The following ADGRE2 variants were observed in gnomAD, a reference collection of about 807,000 sequenced individuals.
ADGRE2 encodes the protein CD97 antigen.
A neutral mutation model predicts 100.8 loss-of-function variants in ADGRE2; 83 were observed. The ratio of observed to expected loss-of-function variants is 0.82; its 90% CI spans 0.69 to 0.99. The LOEUF (loss-of-function observed/expected upper bound fraction) is 0.99, where lower values mean the gene tolerates loss of function less well. ADGRE2 is among the 50% of genes least tolerant of loss of function. ADGRE2 has a pLI of 0.00. For missense variants in ADGRE2, 814 were observed against 1,035.7 expected (o/e 0.79, Z 2.94); for synonymous variants, 355 against 413.0 (o/e 0.86, Z 1.70).
chr19:14,755,607 C>T (rs1264427267), intron 13 of ADGRE2, 47 bp downstream of exon 13: 1 of 1,539,602 alleles, frequency 6.5e-7, no homozygotes, highest in Non-Finnish European at 9.0e-7. Flanking sequence ...CAAGGCTATG[C>T]CCGGACTCAG....
intron 11 of ADGRE2, among the ~76,000 whole-genome samples, chr19:14,757,762 CA>C (rs2043551797): frequency 6.6e-6 from 1 of 152,122 alleles, no homozygotes. Context: ...TAGGAGGAAA[CA>C]GGGGTAAATC....
intron 5 of ADGRE2, among the ~76,000 whole-genome samples, chr19:14,771,165 A>C (rs2044193867): frequency 6.6e-6 from 1 of 152,006 alleles, no homozygotes; most frequent in Non-Finnish European, 1.5e-5. Flanking sequence ...GGGAGGCTCT[A>C]CTGACTGCAG....
chr19:14,743,657 C>G lies in ADGRE2; in HGVS notation c.2311G>C (p.Gly771Arg). The G allele has an allele frequency of 6.2e-7, 1 of 1,614,120 alleles. No homozygotes were observed. The change falls in exon 19 of 21, where the codon GGT becomes CGT. Residue 771 changes from glycine to arginine, a missense_variant. By Grantham distance (125) the Gly-to-Arg change is moderately radical. This residue lies in a region of ADGRE2 where 569 missense variants were observed against 692.7 expected (regional missense o/e 0.82). Coordinates refer to ENST00000315576, the MANE Select transcript of ADGRE2 (RefSeq NM_013447.4). ...YLFTIINSLQ[G>R]VFIFLVYCLL... Reference sequence around the variant, plus strand: ...CAGTACACCAGGAAGATGAAGACACCCTGCAGGCTGTTGATGATGGTGAAG... The same window carrying G: ...CAGTACACCAGGAAGATGAAGACACGCTGCAGGCTGTTGATGATGGTGAAG...
intron 18 of ADGRE2, among the ~76,000 whole-genome samples, chr19:14,744,335 G>A (rs1012539595): frequency 1.3e-5 from 2 of 152,140 alleles, no homozygotes; most frequent in African/African-American, 4.8e-5. Flanking sequence ...ATACAACCAG[G>A]CATGACACAC....
chr19:14,725,232 C>T, the ADGRE2 span, among the ~76,000 whole-genome samples: 1 of 152,084 alleles, frequency 6.6e-6, no homozygotes, highest in East Asian at 1.9e-4. Flanking sequence ...CTGACAGCAC[C>T]ATGGGGATGA....
chr19:14,740,306 A>C (rs2042890169), intron 20 of ADGRE2, among the ~76,000 whole-genome samples: 1 of 151,830 alleles, frequency 6.6e-6, no homozygotes, highest in Non-Finnish European at 1.5e-5. Context: ...TGTTGGAAAC[A>C]GGGATTGTGC....
In ADGRE2 at chr19:14,738,250, G is replaced by A. The variant is rs889039661; in HGVS notation, c.2464-2006C>T. Reference sequence around the variant, plus strand: ...GTTTCCAAATGTATGTCTTGACCTCGGAGCTCCAGGGTTTGTGTAATGTTG... The same window carrying A: ...GTTTCCAAATGTATGTCTTGACCTCAGAGCTCCAGGGTTTGTGTAATGTTG... On this transcript the variant is annotated intron_variant, in intron 20 of 20. Coordinates refer to ENST00000315576, the MANE Select transcript of ADGRE2 (RefSeq NM_013447.4). 2.0e-5 allele frequency among the ~76,000 whole-genome samples: 3 copies of A among 152,230 alleles called. No homozygotes were observed. The East Asian group carries it at 5.8e-4, about 29-fold the overall frequency.
intron 16 of ADGRE2, 39 bp downstream of exon 16, chr19:14,751,397 A>T (rs773600551): frequency 1.9e-5 from 29 of 1,489,198 alleles, no homozygotes; most frequent in Non-Finnish European, 2.4e-5. Flanking sequence ...GGCCATGGTT[A>T]TGCCGGAGAA....
intron 11 of ADGRE2, among the ~76,000 whole-genome samples, chr19:14,758,268 T>G (rs1181158843): frequency 6.6e-6 from 1 of 152,254 alleles, no homozygotes; most frequent in Non-Finnish European, 1.5e-5. Context: ...TGCAAATCAT[T>G]CATCTCAGAT....
At chr19:14,758,115 A>C (rs1253527961) in intron 11 of ADGRE2, among the ~76,000 whole-genome samples, 7 of 152,250 alleles carry the variant, frequency 4.6e-5, no homozygotes, top group Non-Finnish European at 2.9e-5. Flanking sequence ...CCTGTCAATG[A>C]ATTCTTAAAT....
rs188485594 is a variant in ADGRE2, at chr19:14,738,504, G to A, written c.2464-2260C>T. ...AGCAATACTCCAATCTTAGCCTCCC[G>A]GTAGCTGGGACTACAGGCATGCACC... On this transcript the variant is annotated intron_variant, in intron 20 of 20. Transcript: ENST00000315576. 1.3e-4 allele frequency among the ~76,000 whole-genome samples: 20 copies of A among 151,928 alleles called. No individual in the cohort carries two copies. The East Asian group carries it at 3.3e-3, about 25-fold the overall frequency.
chr19:14,761,289 C>T (rs1226427545), intron 11 of ADGRE2, among the ~76,000 whole-genome samples: 1 of 152,110 alleles, frequency 6.6e-6, no homozygotes, highest in African/African-American at 2.4e-5. Flanking sequence ...GCCTGTAGTC[C>T]CAGCTACTTG....
At chr19:14,743,575 G>C in intron 19 of ADGRE2, 41 bp downstream of exon 19, 23 of 1,613,968 alleles carry the variant, frequency 1.4e-5, no homozygotes, top group Non-Finnish European at 1.9e-5. Flanking sequence ...AGAGAGCAGT[G>C]AGGACAGGAA....
intron 5 of ADGRE2, among the ~76,000 whole-genome samples, chr19:14,769,447 C>T (rs1320936851): frequency 6.6e-6 from 1 of 152,056 alleles, no homozygotes; most frequent in Non-Finnish European, 1.5e-5. Context: ...AGGCCTGTGA[C>T]ACCAGGTAGA....
downstream of ADGRE2, among the ~76,000 whole-genome samples, chr19:14,729,360 C>CT (rs59225167): frequency 0.024 from 3,550 of 146,848 alleles, 136 homozygotes; most frequent in African/African-American, 0.08. Context: ...AAACGATACA[C>CT]TTTTTTTTTT....
At chr19:14,776,241 G>A (rs1007346705) in intron 2 of ADGRE2, among the ~76,000 whole-genome samples, 1 of 152,072 alleles carries the variant, frequency 6.6e-6, no homozygotes, top group Admixed American at 6.6e-5. Context: ...TAGAGAGACT[G>A]AAAGAGAGAC....
chr19:14,772,552 C>A (rs899776366), intron 4 of ADGRE2, 55 bp from the exon 5 acceptor site: 4 of 1,596,586 alleles, frequency 2.5e-6, no homozygotes, highest in Admixed American at 1.7e-5. Flanking sequence ...TCCGTCAGGG[C>A]AGAGACCCCC....
intron 1 of ADGRE2, chr19:14,777,152 C>A (rs893694329): frequency 4.2e-6 from 4 of 963,804 alleles, no homozygotes; most frequent in East Asian, 2.3e-4. Context: ...GGTGTGGCAG[C>A]CGGGCGGGGC....
At chr19:14,767,835 G>T (rs186632922) in intron 5 of ADGRE2, among the ~76,000 whole-genome samples, 1 of 152,192 alleles carries the variant, frequency 6.6e-6, no homozygotes, top group South Asian at 2.1e-4. Flanking sequence ...TTGGAAAAAG[G>T]CATCTCCTCT....
Sources: allele counts gnomAD v4.1 joint callset (sites outside exome capture counted in the v4.1 genomes callset), GRCh38; gene constraint gnomAD v4.1.1; regional missense constraint gnomAD v4.1.1; transcripts MANE v1.5; gene names NCBI Gene and HGNC (gene_info 2026-07-23, HGNC 2026-07-21).